The following SPINK6 variants were observed in gnomAD, a reference collection of about 807,000 sequenced individuals.
SPINK6 encodes serine protease inhibitor Kazal-type 6.
Under a neutral mutation model 11.7 loss-of-function variants are expected in SPINK6, and 13 were observed. The ratio of observed to expected loss-of-function variants is 1.11; its 90% confidence interval spans 0.72 to 1.76. The LOEUF (loss-of-function observed/expected upper bound fraction) is 1.76. Ranked by LOEUF, SPINK6 falls within the 40% of genes most tolerant of loss-of-function variation. The probability of loss-of-function intolerance (pLI) is 0.00; values close to 1 mark genes in which losing one functional copy is unlikely to be tolerated. For synonymous variants in SPINK6, 21 were observed against 31.9 expected, an observed-to-expected ratio of 0.66 and a Z score of 1.15; for missense variants, 98 against 93.7, an observed-to-expected ratio of 1.05 and a Z score of -0.19.
intron 2 of SPINK6, among the ~76,000 whole-genome samples, chr5:148,209,995 C>CAT (rs1561732184): frequency 8.5e-6 from 1 of 117,412 alleles, no homozygotes; most frequent in Non-Finnish European, 1.5e-5. Flanking sequence ...TATACATATA[C>CAT]ACGTATGTAT....
chr5:148,209,251 C>T (rs115268846), intron 2 of SPINK6, among the ~76,000 whole-genome samples: 1,985 of 152,162 alleles, frequency 0.013, 47 homozygotes, highest in African/African-American at 0.046. Flanking sequence ...GCCTCAGAAA[C>T]GAGGTCTAGC....
chr5:148,211,756 T>C (rs1437538693), intron 2 of SPINK6, among the ~76,000 whole-genome samples: 1 of 152,214 alleles, frequency 6.6e-6, no homozygotes, highest in East Asian at 1.9e-4. Flanking sequence ...AGTTTGTTCA[T>C]ATGCCACTTG....
At chr5:148,213,129 T>C (rs1755634950) in intron 2 of SPINK6, among the ~76,000 whole-genome samples, 1 of 151,904 alleles carries the variant, frequency 6.6e-6, no homozygotes, top group Non-Finnish European at 1.5e-5. Context: ...TGGATGGATA[T>C]TGCATCCACA....
In SPINK6 at chr5:148,206,111, C is replaced by T. The variant is rs1276573552; in HGVS notation, c.81+53C>T. The T allele has an allele frequency of 1.9e-6, 3 of 1,603,074 alleles. No individual in the cohort carries two copies. In the African/African-American group the frequency reaches 4.0e-5, roughly 21 times the overall value. ...CTGCCTGGGTGGTGCTTGGCTTGAT[C>T]TTCACTGGCCAAAAAGAAATTTGTC... On this transcript the variant is annotated intron_variant, in intron 2 of 3. Coordinates refer to ENST00000325630, the MANE Select transcript of SPINK6 (RefSeq NM_205841.4).
chr5:148,206,842 G>A (rs551704430), intron 2 of SPINK6, among the ~76,000 whole-genome samples: 3 of 152,226 alleles, frequency 2.0e-5, no homozygotes, highest in South Asian at 4.1e-4. Flanking sequence ...TAGCCTTGGC[G>A]TGCCTTGTTA....
At chr5:148,210,146 GTA>G (rs1561732469) in intron 2 of SPINK6, among the ~76,000 whole-genome samples, 16 of 137,040 alleles carry the variant, frequency 1.2e-4, no homozygotes, top group Non-Finnish European at 4.6e-5. Context: ...GCATACATAT[GTA>G]TGTATTTCTG....
chr5:148,205,248 T>C (rs572110127), intron 1 of SPINK6, among the ~76,000 whole-genome samples: 4 of 152,270 alleles, frequency 2.6e-5, no homozygotes, highest in African/African-American at 9.6e-5. Flanking sequence ...TGGGCTTATG[T>C]GTCAGAGGGA....
At chr5:148,203,906 C>T (rs938186214) in intron 1 of SPINK6, among the ~76,000 whole-genome samples, 5 of 152,194 alleles carry the variant, frequency 3.3e-5, no homozygotes, top group African/African-American at 4.8e-5. Context: ...TACTCTTTCA[C>T]GTTGTAGGGC....
In SPINK6 at chr5:148,214,920, G is replaced by A. The variant is rs764585037; in HGVS notation, c.213G>A (p.Lys71=). 1.9e-6 allele frequency: 3 copies of A among 1,613,710 alleles called. No homozygotes were observed. The highest frequency in any genetic ancestry group is 2.5e-6 in the Non-Finnish European group (3 of 1,179,776). ...FCKAIVKSGG[K]ISLKHPGKC ...TTTTTTGTAGGAAAAGTGGTGGAAAGATTAGCCTAAAGCATCCTGGAAAAT... is the reference window on the plus strand; with the variant it reads ...TTTTTTGTAGGAAAAGTGGTGGAAAAATTAGCCTAAAGCATCCTGGAAAAT... The change falls in exon 4 of 4, where the codon AAG becomes AAA. Residue 71 remains lysine, a synonymous_variant. Transcript: ENST00000325630.
At chr5:148,212,512 A>ATATATATAAAGTATATATTT (rs1755613232) in intron 2 of SPINK6, among the ~76,000 whole-genome samples, 8 of 125,496 alleles carry the variant, frequency 6.4e-5, no homozygotes, top group South Asian at 2.2e-4. Flanking sequence ...TATATATTTT[A>ATATATATAAAGTATATATTT]TATATATAAA....
At chr5:148,214,052 C>T in intron 3 of SPINK6, 27 bp downstream of exon 3, 1 of 1,396,620 alleles carries the variant, frequency 7.2e-7, no homozygotes, top group East Asian at 2.3e-5. Context: ...TCAAAGCTGA[C>T]CCTTGCAAAC....
chr5:148,203,358 T>C (rs1253866549), intron 1 of SPINK6, among the ~76,000 whole-genome samples: 3 of 152,184 alleles, frequency 2.0e-5, no homozygotes, highest in Non-Finnish European at 4.4e-5. Context: ...GCATATACTA[T>C]ATTCTAGGCA....
At position 148,209,891 on chromosome 5, in the gene SPINK6, A is replaced by C. The variant is rs554450388; in HGVS notation, c.81+3833A>C. Among the ~76,000 whole-genome samples the C allele has an allele frequency of 9.4e-5, 14 of 148,436 alleles. No homozygotes were observed. In the South Asian group the frequency reaches 2.8e-3, roughly 30 times the overall value. On this transcript the variant is annotated intron_variant, in intron 2 of 3. Transcript: ENST00000325630. Reference sequence around the variant, plus strand: ...AGAATACAAAACTAGTTTGAAAGAAAAGAGTTGTACTTTGCACATAAATGT... The same window carrying C: ...AGAATACAAAACTAGTTTGAAAGAACAGAGTTGTACTTTGCACATAAATGT...
chr5:148,212,537 T>TA (rs1554112561), intron 2 of SPINK6, among the ~76,000 whole-genome samples: 3 of 69,068 alleles, frequency 4.3e-5, no homozygotes, highest in Non-Finnish European at 9.2e-5. Flanking sequence ...ATATTTTATA[T>TA]AAGTATATAT....
intron 2 of SPINK6, among the ~76,000 whole-genome samples, chr5:148,206,834 G>C (rs1285320814): frequency 6.6e-6 from 1 of 152,118 alleles, no homozygotes; most frequent in African/African-American, 2.4e-5. Context: ...TTCTTGTTTA[G>C]CCTTGGCGTG....
intron 2 of SPINK6, among the ~76,000 whole-genome samples, chr5:148,212,585 AT>A (rs1755618940): frequency 1.0e-5 from 1 of 99,232 alleles, no homozygotes; most frequent in Non-Finnish European, 1.8e-5. Flanking sequence ...TATTATATAA[AT>A]ATATTTTATA....
intron 2 of SPINK6, among the ~76,000 whole-genome samples, chr5:148,210,035 A>C (rs13154875): frequency 0.82 from 109,835 of 134,682 alleles, 47,191 homozygotes; most frequent in Middle Eastern, 0.95. Flanking sequence ...CGCATGCACA[A>C]ACGTATGTAT....
intron 2 of SPINK6, among the ~76,000 whole-genome samples, chr5:148,210,146 GTATGTATTT>G (rs1755566509): frequency 7.3e-6 from 1 of 137,040 alleles, no homozygotes; most frequent in Non-Finnish European, 1.5e-5. Flanking sequence ...GCATACATAT[GTATGTATTT>G]CTGCATGCAT....
In SPINK6 at chr5:148,210,012, A is replaced by ACGTGTGTATGTC; in HGVS notation, c.82-3898_82-3897insCGTGTGTATGTC. On this transcript the variant is annotated intron_variant, in intron 2 of 3. Transcript: ENST00000325630. ...TACATATACACGTATGTATACATGT[A>ACGTGTGTATGTC]TGTACGCATGTACGCATGCACAAAC... Among the ~76,000 whole-genome samples the ACGTGTGTATGTC allele has an allele frequency of 1.3e-5, 2 of 151,262 alleles. 1 individual carries two copies. Among genetic ancestry groups the ACGTGTGTATGTC allele is most frequent in the Non-Finnish European group, 3.0e-5 (2 of 67,544 alleles).
Sources: allele counts gnomAD v4.1 joint callset (sites outside exome capture counted in the v4.1 genomes callset), GRCh38; gene constraint gnomAD v4.1.1; transcripts MANE v1.5; gene names NCBI Gene and HGNC (gene_info 2026-07-23, HGNC 2026-07-21).